The following PLCD3 variants were observed in gnomAD, a reference collection of about 807,000 sequenced individuals.
PLCD3 encodes the protein phospholipase C delta 3.
A neutral mutation model predicts 82.8 loss-of-function variants in PLCD3; 62 were observed. The ratio of observed to expected loss-of-function variants is 0.75; its 90% CI spans 0.61 to 0.93. The LOEUF (loss-of-function observed/expected upper bound fraction) is 0.93. Ranked by LOEUF, PLCD3 falls within the 40% of genes least tolerant of loss-of-function variation. The pLI, the probability that PLCD3 is intolerant of heterozygous loss-of-function variation, is 0.00. For synonymous variants in PLCD3, 478 were observed against 471.8 expected (o/e 1.01, Z -0.17); for missense variants, 1,023 against 1,103.4 (o/e 0.93, Z 1.03).
At chr17:45,112,796 C>A in intron 14 of PLCD3, 67 bp downstream of exon 14, 2 of 1,599,134 alleles carry the variant, frequency 1.3e-6, no homozygotes, top group Non-Finnish European at 1.7e-6. Flanking sequence ...ATTCGAGGCA[C>A]AAAGGTGAAC....
At chr17:45,126,347 ATTTTTTTTTT>A (rs398030937) in intron 1 of PLCD3, among the ~76,000 whole-genome samples, 3 of 79,096 alleles carry the variant, frequency 3.8e-5, no homozygotes, top group Admixed American at 1.8e-4. Context: ...CGCCCAGCCT[ATTTTTTTTTT>A]TTTTTTTTTT....
chr17:45,120,762 A>ACC, intron 3 of PLCD3, 140 bp downstream of exon 3: 1 of 1,112,282 alleles, frequency 9.0e-7, no homozygotes, highest in Non-Finnish European at 1.2e-6. Flanking sequence ...AGTTTCGAAG[A>ACC]CCAAGGGCTC....
Position 45,121,327 on chromosome 17 carries a change from C to G in PLCD3, c.209G>C (p.Arg70Pro), listed in dbSNP as rs999183937. The change falls in exon 2 of 15, where the codon CGG becomes CCG. Residue 70 changes from arginine to proline, a missense_variant. Physicochemically the swap from Arg to Pro is moderately radical, Grantham distance 103. This residue lies in a region of PLCD3 where 448 missense variants were observed against 406.3 expected (regional missense o/e 1.10). Transcript: ENST00000619929. ...CGTGCGCGAGCGGATCTTGCGGAGCCGGGAGCCCCGCAGCATGGCGCGCAC... is the reference window on the plus strand; with the variant it reads ...CGTGCGCGAGCGGATCTTGCGGAGCGGGGAGCCCCGCAGCATGGCGCGCAC... ...EDVRAMLRGS[R>P]LRKIRSRTWH... is the part of the protein sequence containing the mutation. The G allele has an allele frequency of 1.3e-6, 2 of 1,556,978 alleles. No homozygotes were observed. Among genetic ancestry groups the G allele is most frequent in the African/African-American group, 2.7e-5 (2 of 73,862 alleles).
intron 1 of PLCD3, among the ~76,000 whole-genome samples, chr17:45,131,168 CAT>C (rs2054434740): frequency 6.6e-6 from 1 of 152,192 alleles, no homozygotes; most frequent in Non-Finnish European, 1.5e-5. Flanking sequence ...AGCGCCCAGA[CAT>C]AGTCAGCGCT....
At chr17:45,114,173 G>A (rs925287504) in intron 11 of PLCD3, 77 bp downstream of exon 11, 41 of 1,083,052 alleles carry the variant, frequency 3.8e-5, no homozygotes, top group Non-Finnish European at 5.0e-5. Context: ...CTGGAAGGCT[G>A]TGTGGGCCCC....
chr17:45,113,550 G>A lies in PLCD3; in HGVS notation c.1884C>T (p.Phe628=), dbSNP rs1444590025. Residue 628 remains phenylalanine, a synonymous_variant, in exon 12 of 15, where the codon TTC becomes TTT. Transcript: ENST00000619929. ...GYEMDLNAGR[F]LVNGQCGYVL... is the part of the protein sequence containing the mutation. ...CGTAGCCACACTGCCCATTGACTAG[G>A]AAGCGCCCGGCATTGAGGTCCATCT... is the stretch of plus-strand genomic sequence containing the variant. The A allele has an allele frequency of 1.3e-6, 2 of 1,562,804 alleles. No individual in the cohort carries two copies. The highest frequency in any genetic ancestry group is 2.4e-5 in the East Asian group (1 of 41,870).
chr17:45,127,138 T>C (rs1279244422), intron 1 of PLCD3, among the ~76,000 whole-genome samples: 2 of 152,176 alleles, frequency 1.3e-5, no homozygotes, highest in African/African-American at 4.8e-5. Context: ...GGGTGCTCAG[T>C]AAATGATCAC....
rs1567879672 is a variant in PLCD3, at chr17:45,118,062, C to CA, written c.1191dup (p.Gly398TrpfsTer108). ...AGAATCTTGGAGGTGAGGGTATGGC[C>CA]ATGATAGATGACGGGCTCCCCTCCT... On this transcript the variant is annotated frameshift_variant, in exon 7 of 15. Transcript: ENST00000619929. LOFTEE classifies it high-confidence loss of function. The surrounding 1 kb of genome is among the most constrained non-coding windows in gnomAD (Gnocchi z 4.1). 1 of 1,613,838 alleles carries CA rather than the reference C, an allele frequency of 6.2e-7. No homozygotes were observed. The highest frequency in any genetic ancestry group is 8.5e-7 in the Non-Finnish European group (1 of 1,179,846).
chr17:45,117,964 G>A (rs1242112320), intron 7 of PLCD3, 30 bp downstream of exon 7: 1 of 1,610,780 alleles, frequency 6.2e-7, no homozygotes. Context: ...GAAGGCTGTG[G>A]GGCTGGGGCT....
chr17:45,127,255 A>AG, intron 1 of PLCD3, among the ~76,000 whole-genome samples: 1 of 152,188 alleles, frequency 6.6e-6, no homozygotes, highest in Non-Finnish European at 1.5e-5. Context: ...CATGGCCTCC[A>AG]GGGGGTACCT....
Position 45,115,077 on chromosome 17 carries a change from A to G in PLCD3, c.1711+17T>C. 2 of 1,586,860 alleles carry G rather than the reference A, an allele frequency of 1.3e-6. No homozygotes were observed. Among genetic ancestry groups the G allele is most frequent in the Non-Finnish European group, 1.7e-6 (2 of 1,166,796 alleles). ...CTCACCCTCTCGCCCCCAGACACCC[A>G]GTGCCCCAGCTCCTACCTGCCTCCC... On this transcript the variant is annotated intron_variant, in intron 10 of 14. Transcript: ENST00000619929.
intron 1 of PLCD3, among the ~76,000 whole-genome samples, chr17:45,123,408 AG>A (rs1199738249): frequency 6.6e-6 from 1 of 152,240 alleles, no homozygotes; most frequent in East Asian, 1.9e-4. Flanking sequence ...GGGCGGAATG[AG>A]GTCTTATCTC....
In PLCD3 at chr17:45,115,402, TC is replaced by T; in HGVS notation, c.1501del (p.Glu501ArgfsTer82). Reference sequence around the variant, plus strand: ...TTCTTCCTCCTCGTCATCCTCCTCCTCCTCCTCCCGATCCGACAGAGCCCGG... The same window carrying T: ...TTCTTCCTCCTCGTCATCCTCCTCCTCTCCTCCCGATCCGACAGAGCCCGG... ...DGRALSDREE[E>X]EEDDEEEEEE... On this transcript the variant is annotated frameshift_variant, in exon 9 of 15. Coordinates refer to ENST00000619929, the MANE Select transcript of PLCD3 (RefSeq NM_133373.5). LOFTEE classifies it high-confidence loss of function. 6.3e-7 allele frequency: 1 copy of T among 1,590,570 alleles called. No homozygotes were observed.
At chr17:45,128,277 C>T (rs970586642) in intron 1 of PLCD3, among the ~76,000 whole-genome samples, 1 of 152,186 alleles carries the variant, frequency 6.6e-6, no homozygotes, top group Non-Finnish European at 1.5e-5. Context: ...GGTGGCAGCA[C>T]CCTTTTCTCT....
At chr17:45,125,912 G>C (rs2054377911) in intron 1 of PLCD3, among the ~76,000 whole-genome samples, 1 of 152,188 alleles carries the variant, frequency 6.6e-6, no homozygotes, top group African/African-American at 2.4e-5. Context: ...GTTAGTTTCT[G>C]TTTGGATGAT....
chr17:45,116,907 G>A (rs1427907060), intron 7 of PLCD3, 123 bp from the exon 8 acceptor site: 2 of 1,251,466 alleles, frequency 1.6e-6, no homozygotes, highest in Non-Finnish European at 2.1e-6. Context: ...ACCCAGGGAA[G>A]CAGCAGACTG....
In PLCD3 at chr17:45,112,559, C is replaced by T; in HGVS notation, c.*57G>A. 1.3e-6 allele frequency: 2 copies of T among 1,495,626 alleles called. No individual in the cohort carries two copies. Among genetic ancestry groups the T allele is most frequent in the Non-Finnish European group, 9.1e-7 (1 of 1,096,078 alleles). The allele number at this position is 1,495,626 out of a possible 1,614,324, so 92.6% of individuals were successfully genotyped here. A position where few individuals can be genotyped will look rare whatever the true frequency, so the allele number is the denominator to read the frequency against. On this transcript the variant is annotated 3_prime_UTR_variant, in exon 15 of 15. Coordinates refer to ENST00000619929, the MANE Select transcript of PLCD3 (RefSeq NM_133373.5). ...CACCTGACTCCAGAGGAGGAGAGGG[C>T]TCTGCAGGGGATGTGGACTGGCACT...
Position 45,118,486 on chromosome 17 carries a change from T to A in PLCD3, c.920A>T (p.Gln307Leu). 6.2e-7 allele frequency: 1 copy of A among 1,613,904 alleles called. No individual in the cohort carries two copies. The highest frequency in any genetic ancestry group is 8.5e-7 in the Non-Finnish European group (1 of 1,179,864). ...GCCATCCAGTGTCATCAGCTCATGC[T>A]GCTTGGCTGCAGGGGTGGCAGGAGA... The part of the protein sequence containing the change: ...QTYELNETAK[Q>L]HELMTLDGFM... The change falls in exon 6 of 15, where the codon CAG becomes CTG. Residue 307 changes from glutamine to leucine, a missense_variant. Transcript: ENST00000619929. The surrounding 1 kb of genome is among the most constrained non-coding windows in gnomAD (Gnocchi z 4.1).
chr17:45,128,371 T>TA (rs1298230838), intron 1 of PLCD3, among the ~76,000 whole-genome samples: 2 of 152,166 alleles, frequency 1.3e-5, no homozygotes, highest in African/African-American at 4.8e-5. Context: ...CCACAGGGCC[T>TA]GGCAGAGCCA....
Sources: allele counts gnomAD v4.1 joint callset (sites outside exome capture counted in the v4.1 genomes callset), GRCh38; gene constraint gnomAD v4.1.1; regional missense constraint gnomAD v4.1.1; non-coding constraint Gnocchi (gnomAD v3.1); transcripts MANE v1.5; gene names NCBI Gene and HGNC (gene_info 2026-07-23, HGNC 2026-07-21).